The following TAFA2 variants were observed in gnomAD, a reference collection of about 807,000 sequenced individuals.
The protein encoded by TAFA2 is TAFA chemokine like family member 2, also known as chemokine-like protein TAFA-2.
TAFA2 carries 7 observed loss-of-function variants against 18.8 expected under a neutral mutation model. That is an observed-to-expected ratio of 0.37 (90% CI 0.21 to 0.70). TAFA2 has a LOEUF of 0.70. TAFA2 is among the 30% of genes least tolerant of loss of function. TAFA2 has a pLI of 0.53. For missense variants in TAFA2, 122 were observed against 158.1 expected (o/e 0.77, Z 1.23); for synonymous variants, 60 against 54.2 (o/e 1.11, Z -0.47).
intron 2 of TAFA2, among the ~76,000 whole-genome samples, chr12:61,863,247 G>A (rs1347042606): frequency 6.6e-6 from 1 of 152,166 alleles, no homozygotes; most frequent in South Asian, 2.1e-4. Context: ...CAATGTTGAT[G>A]GGGTAAATGT....
intron 2 of TAFA2, among the ~76,000 whole-genome samples, chr12:61,809,993 T>G (rs1302189235): frequency 6.6e-6 from 1 of 151,342 alleles, no homozygotes; most frequent in African/African-American, 2.5e-5. Context: ...CCCCTCCACA[T>G]CTGCCAGGGA....
intron 1 of TAFA2, among the ~76,000 whole-genome samples, chr12:61,958,756 G>A (rs936403818): frequency 2.6e-5 from 4 of 151,578 alleles, no homozygotes; most frequent in South Asian, 2.1e-4. Context: ...CTCTGTTTTC[G>A]GTATGGGTTT....
chr12:62,171,466 TC>T (rs1364963041), intron 1 of TAFA2, among the ~76,000 whole-genome samples: 1 of 152,156 alleles, frequency 6.6e-6, no homozygotes. Context: ...TCTAAATGTG[TC>T]CCCCGAAATT....
At chr12:61,786,405 G>A (rs1372522190) in intron 2 of TAFA2, among the ~76,000 whole-genome samples, 1 of 151,452 alleles carries the variant, frequency 6.6e-6, no homozygotes, top group Non-Finnish European at 1.5e-5. Flanking sequence ...AGTCAAAAAA[G>A]GTAAAATCTA....
intron 1 of TAFA2, among the ~76,000 whole-genome samples, chr12:62,185,265 T>C (rs2062578325): frequency 1.3e-5 from 2 of 152,234 alleles, no homozygotes; most frequent in African/African-American, 4.8e-5. Flanking sequence ...TTTTCCAAAA[T>C]GGGGCCTCTG....
At chr12:61,916,405 C>A (rs1876822521) in intron 1 of TAFA2, among the ~76,000 whole-genome samples, 1 of 152,124 alleles carries the variant, frequency 6.6e-6, no homozygotes, top group African/African-American at 2.4e-5. Context: ...TCAAATGTGA[C>A]AGAGCATGTA....
At chr12:61,905,215 G>A (rs1270791278) in intron 1 of TAFA2, among the ~76,000 whole-genome samples, 1 of 152,066 alleles carries the variant, frequency 6.6e-6, no homozygotes, top group African/African-American at 2.4e-5. Flanking sequence ...ACTATCTTAA[G>A]AAGATAGTTT....
intron 4 of TAFA2, among the ~76,000 whole-genome samples, chr12:61,713,549 A>G (rs1869511347): frequency 6.6e-6 from 1 of 152,172 alleles, no homozygotes; most frequent in Admixed American, 6.5e-5. Flanking sequence ...ATAAATATCT[A>G]CCAGCACCCT....
intron 1 of TAFA2, among the ~76,000 whole-genome samples, chr12:61,966,983 G>A (rs1332700028): frequency 6.6e-6 from 1 of 151,758 alleles, no homozygotes; most frequent in South Asian, 2.1e-4. Flanking sequence ...GTTTATATAA[G>A]AGCAGTAGAT....
chr12:61,741,844 A>G (rs564688267), intron 4 of TAFA2, among the ~76,000 whole-genome samples: 4 of 152,154 alleles, frequency 2.6e-5, no homozygotes, highest in Non-Finnish European at 5.9e-5. Context: ...GAGTGAATGA[A>G]TGAATGAACA....
chr12:61,934,288 C>A (rs1350488788), intron 1 of TAFA2, among the ~76,000 whole-genome samples: 1 of 152,162 alleles, frequency 6.6e-6, no homozygotes, highest in Non-Finnish European at 1.5e-5. Flanking sequence ...GAAGAGAATA[C>A]TAGCACCCCT....
At chr12:61,737,505 A>C (rs1332615146) in intron 4 of TAFA2, among the ~76,000 whole-genome samples, 1 of 151,830 alleles carries the variant, frequency 6.6e-6, no homozygotes, top group East Asian at 1.9e-4. Context: ...ATAGTGGTTA[A>C]GAGCATGGGG....
At position 61,862,718 on chromosome 12, in the gene TAFA2, C is replaced by T. The variant is rs541328661; in HGVS notation, c.106+4602G>A. Among the ~76,000 whole-genome samples, 13 of 152,322 alleles carry T rather than the reference C, an allele frequency of 8.5e-5. No homozygotes were observed. The South Asian group carries it at 2.7e-3, about 32-fold the overall frequency. On this transcript the variant is annotated intron_variant, in intron 2 of 4. Coordinates refer to ENST00000416284, the MANE Select transcript of TAFA2 (RefSeq NM_178539.5). Reference sequence around the variant, plus strand: ...TAATTCTCTATGGCATGCTTGAAAGCATTCATACCTATTGCTGCTTTGCCT... The same window carrying T: ...TAATTCTCTATGGCATGCTTGAAAGTATTCATACCTATTGCTGCTTTGCCT...
intron 1 of TAFA2, among the ~76,000 whole-genome samples, chr12:61,913,936 G>C (rs1034369652): frequency 6.6e-6 from 1 of 152,274 alleles, no homozygotes; most frequent in East Asian, 1.9e-4. Context: ...GGTGACAAAA[G>C]AAACAATCAG....
chr12:62,225,505 T>G (rs2062782211), intron 1 of TAFA2, among the ~76,000 whole-genome samples: 1 of 152,172 alleles, frequency 6.6e-6, no homozygotes, highest in South Asian at 2.1e-4. Context: ...AAGCACTGAT[T>G]AATTTTACTA....
At chr12:62,043,364 C>CA (rs1248142688) in intron 1 of TAFA2, among the ~76,000 whole-genome samples, 1 of 147,434 alleles carries the variant, frequency 6.8e-6, no homozygotes, top group African/African-American at 2.5e-5. Flanking sequence ...ATCGCAAGGA[C>CA]AAAAAACCAA....
chr12:61,737,141 G>T (rs1868317776), intron 4 of TAFA2, among the ~76,000 whole-genome samples: 1 of 151,668 alleles, frequency 6.6e-6, no homozygotes, highest in Admixed American at 6.6e-5. Context: ...AGGTCAAATA[G>T]GCATCTAAAA....
intron 1 of TAFA2, among the ~76,000 whole-genome samples, chr12:61,943,789 C>A (rs1168413129): frequency 4.6e-5 from 6 of 131,650 alleles, no homozygotes; most frequent in East Asian, 4.6e-4. Context: ...TACAGGAGCA[C>A]CCAGATTCAT....
chr12:61,938,024 G>T (rs1877841928), intron 1 of TAFA2, among the ~76,000 whole-genome samples: 2 of 151,982 alleles, frequency 1.3e-5, no homozygotes, highest in South Asian at 2.1e-4. Flanking sequence ...AAGAAAATAT[G>T]CAAGTGGCCA....
Sources: gnomAD v4.1 joint callset for allele counts (sites outside exome capture counted in the v4.1 genomes callset) on GRCh38, gnomAD v4.1.1 for gene constraint, MANE v1.5 for transcripts, NCBI Gene and HGNC (gene_info 2026-07-23, HGNC 2026-07-21) for gene names.